ATP8A1: variants seen among roughly 807,000 people sequenced by gnomAD.
ATP8A1 encodes the protein phospholipid-transporting ATPase IA.
Under a neutral mutation model 177.7 loss-of-function variants are expected in ATP8A1, and 90 were observed. The ratio of observed to expected loss-of-function variants is 0.51; its 90% CI spans 0.43 to 0.60. The LOEUF (loss-of-function observed/expected upper bound fraction) is 0.60. Among genes scored for constraint, ATP8A1 ranks in the 20% least tolerant of loss-of-function variants. The pLI, the probability that ATP8A1 is intolerant of heterozygous loss-of-function variation, is 0.00. For synonymous variants in ATP8A1, 493 were observed against 485.9 expected, an observed-to-expected ratio of 1.01 and a Z score of -0.19; for missense variants, 1,072 against 1,392.8, an observed-to-expected ratio of 0.77 and a Z score of 3.67.
At chr4:42,413,495 C>T (rs977383402) in intron 36 of ATP8A1, among the ~76,000 whole-genome samples, 1 of 152,144 alleles carries the variant, frequency 6.6e-6, no homozygotes, top group African/African-American at 2.4e-5. Context: ...GCTTCAGGGA[C>T]CCCCTTAAAT....
intron 15 of ATP8A1, among the ~76,000 whole-genome samples, chr4:42,561,194 C>T (rs567183676): frequency 1.3e-5 from 2 of 152,196 alleles, no homozygotes; most frequent in South Asian, 2.1e-4. Context: ...AGCGTGTGCA[C>T]GGCTGCTGCT....
chr4:42,589,491 A>G (rs1004336721), intron 7 of ATP8A1, among the ~76,000 whole-genome samples: 1 of 152,186 alleles, frequency 6.6e-6, no homozygotes, highest in African/African-American at 2.4e-5. Flanking sequence ...AATTGCTTAA[A>G]CACATAGACA....
intron 35 of ATP8A1, among the ~76,000 whole-genome samples, chr4:42,421,060 G>A (rs970348199): frequency 3.9e-5 from 6 of 152,024 alleles, no homozygotes; most frequent in Admixed American, 1.3e-4. Context: ...GAGCCACCGC[G>A]CCTGGCCAGA....
intron 25 of ATP8A1, among the ~76,000 whole-genome samples, chr4:42,474,868 A>T (rs1720876320): frequency 6.6e-6 from 1 of 152,166 alleles, no homozygotes; most frequent in Admixed American, 6.5e-5. Flanking sequence ...AAACCAGCAT[A>T]GGAAAATCTG....
chr4:42,455,692 C>G (rs1718408125), intron 27 of ATP8A1, 93 bp from the exon 28 acceptor site: 1 of 1,083,716 alleles, frequency 9.2e-7, no homozygotes, highest in Non-Finnish European at 1.3e-6. Context: ...TGCATAATAG[C>G]AGCATTAACA....
At position 42,526,826 on chromosome 4, in the gene ATP8A1, T is replaced by C. The variant is rs973330909; in HGVS notation, c.1723-1979A>G. Among the ~76,000 whole-genome samples, 5 of 152,210 alleles carry C rather than the reference T, an allele frequency of 3.3e-5. No individual in the cohort carries two copies. The South Asian group carries it at 1.0e-3, about 32-fold the overall frequency. Reference sequence around the variant, plus strand: ...AGAATATTAAGATGGAGTTCTTTCATTGGTTTTGGGGTTTCTGGAGGTGGC... The same window carrying C: ...AGAATATTAAGATGGAGTTCTTTCACTGGTTTTGGGGTTTCTGGAGGTGGC... On this transcript the variant is annotated intron_variant, in intron 20 of 36. Transcript: ENST00000381668.
intron 27 of ATP8A1, chr4:42,459,212 G>C (rs1194115624): frequency 6.5e-6 from 1 of 154,134 alleles, no homozygotes; most frequent in Admixed American, 6.5e-5. Flanking sequence ...AATATCTCAT[G>C]AACAGGTTTT....
chr4:42,559,562 T>C (rs1010753178), intron 15 of ATP8A1, among the ~76,000 whole-genome samples: 2 of 152,194 alleles, frequency 1.3e-5, no homozygotes, highest in Non-Finnish European at 2.9e-5. Flanking sequence ...GAAAAGCAAT[T>C]GGGCAAAATT....
intron 20 of ATP8A1, among the ~76,000 whole-genome samples, chr4:42,534,989 A>G (rs1453481696): frequency 6.6e-6 from 1 of 152,340 alleles, no homozygotes; most frequent in Non-Finnish European, 1.5e-5. Context: ...AGCCAGCAGT[A>G]TAAGAACTCT....
intron 1 of ATP8A1, among the ~76,000 whole-genome samples, chr4:42,642,613 T>C (rs1471547699): frequency 6.6e-6 from 1 of 152,096 alleles, no homozygotes; most frequent in Non-Finnish European, 1.5e-5. Context: ...ATGTGTGAGA[T>C]TGCCGCACGC....
At chr4:42,532,512 A>C (rs756819141) in intron 20 of ATP8A1, among the ~76,000 whole-genome samples, 3 of 152,102 alleles carry the variant, frequency 2.0e-5, no homozygotes, top group Admixed American at 6.5e-5. Flanking sequence ...AGGTGACACA[A>C]AAAAAATAGA....
intron 15 of ATP8A1, among the ~76,000 whole-genome samples, chr4:42,568,492 G>T (rs1050253364): frequency 1.3e-5 from 2 of 152,040 alleles, no homozygotes; most frequent in African/African-American, 2.4e-5. Flanking sequence ...AAATAAATCT[G>T]CACTATCCAA....
At chr4:42,540,843 C>T (rs1025914812) in intron 20 of ATP8A1, among the ~76,000 whole-genome samples, 2 of 152,096 alleles carry the variant, frequency 1.3e-5, no homozygotes, top group Middle Eastern at 3.2e-3. Context: ...TACAAACATA[C>T]AGTATGATAG....
intron 27 of ATP8A1, 25 bp downstream of exon 27, chr4:42,464,665 G>A: frequency 1.5e-6 from 2 of 1,349,898 alleles, no homozygotes; most frequent in South Asian, 1.4e-5. Context: ...AAATGACAAG[G>A]ATTTAAAATT....
At chr4:42,449,331 T>A (rs182255747) in intron 30 of ATP8A1, among the ~76,000 whole-genome samples, 1 of 152,336 alleles carries the variant, frequency 6.6e-6, no homozygotes, top group East Asian at 1.9e-4. Context: ...GCATTAGTTT[T>A]ATGGTGTCTT....
chr4:42,588,333 T>C lies in ATP8A1; in HGVS notation c.525-4A>G, dbSNP rs1471265786. On this transcript the variant is annotated splice_region_variant and splice_polypyrimidine_tract_variant and intron_variant, in intron 7 of 36. Transcript: ENST00000381668. ...GTAGCACATGGCTTGGGGCTCACTG[T>C]AGTTTGGAGTTGAGAAGCACAAAGA... 1 of 1,612,132 alleles carries C rather than the reference T, an allele frequency of 6.2e-7. No individual in the cohort carries two copies. Among genetic ancestry groups the C allele is most frequent in the Non-Finnish European group, 8.5e-7 (1 of 1,179,270 alleles).
chr4:42,533,103 G>A (rs1411883245), intron 20 of ATP8A1, among the ~76,000 whole-genome samples: 3 of 152,162 alleles, frequency 2.0e-5, no homozygotes, highest in African/African-American at 7.2e-5. Flanking sequence ...ATGAACTTTT[G>A]CTCCAAGAAC....
At chr4:42,628,050 C>T (rs1412904455) in intron 1 of ATP8A1, among the ~76,000 whole-genome samples, 1 of 152,192 alleles carries the variant, frequency 6.6e-6, no homozygotes, top group Non-Finnish European at 1.5e-5. Flanking sequence ...CAGGTTCCCC[C>T]TACCAGAATG....
chr4:42,530,484 CCAAGG>C (rs1181779608), intron 20 of ATP8A1, among the ~76,000 whole-genome samples: 4 of 152,236 alleles, frequency 2.6e-5, no homozygotes, highest in African/African-American at 9.6e-5. Context: ...CTGCCTCTGA[CCAAGG>C]CACTTACTAA....
Sources: allele counts gnomAD v4.1 joint callset (sites outside exome capture counted in the v4.1 genomes callset), GRCh38; gene constraint gnomAD v4.1.1; transcripts MANE v1.5; gene names NCBI Gene and HGNC (gene_info 2026-07-23, HGNC 2026-07-21).